LRMDA: variants seen among roughly 807,000 people sequenced by gnomAD.
LRMDA encodes the protein leucine-rich melanocyte differentiation-associated protein.
In LRMDA, 18 loss-of-function variants were observed where a neutral mutation model predicts 29.8. That is an observed-to-expected ratio of 0.60 (90% CI 0.42 to 0.90). The LOEUF (loss-of-function observed/expected upper bound fraction) is 0.90. LRMDA is among the 40% of genes least tolerant of loss of function. The pLI is 0.00. For synonymous variants in LRMDA, 125 were observed against 109.4 expected, an observed-to-expected ratio of 1.14 and a Z score of -0.89; for missense variants, 273 against 273.9, an observed-to-expected ratio of 1.00 and a Z score of 0.02.
chr10:75,790,908 G>A (rs780024823), intron 2 of LRMDA, among the ~76,000 whole-genome samples: 1 of 152,170 alleles, frequency 6.6e-6, no homozygotes, highest in Non-Finnish European at 1.5e-5. Flanking sequence ...AATGGTTCTT[G>A]CAAATATTTC....
At chr10:76,095,654 A>G (rs1044453643) in intron 5 of LRMDA, among the ~76,000 whole-genome samples, 3 of 152,220 alleles carry the variant, frequency 2.0e-5, no homozygotes, top group African/African-American at 7.2e-5. Context: ...GCTATATATA[A>G]CTTGATATTG....
chr10:75,714,513 G>T (rs145751570), intron 2 of LRMDA, among the ~76,000 whole-genome samples: 19 of 152,286 alleles, frequency 1.2e-4, no homozygotes, highest in African/African-American at 3.9e-4. Context: ...ACTAAAGCTG[G>T]CTCATACATG....
intron 2 of LRMDA, among the ~76,000 whole-genome samples, chr10:75,696,448 A>G (rs1473089622): frequency 1.3e-5 from 2 of 152,236 alleles, no homozygotes; most frequent in African/African-American, 4.8e-5. Context: ...TTGTCATTCA[A>G]AAAGGGGAGA....
intron 6 of LRMDA, chr10:76,464,914 C>T (rs1233725628): frequency 6.6e-6 from 1 of 152,132 alleles, no homozygotes; most frequent in Non-Finnish European, 1.5e-5. Flanking sequence ...ACATGATATG[C>T]TCTTTGATCT....
intron 2 of LRMDA, among the ~76,000 whole-genome samples, chr10:75,570,310 T>A (rs1834329720): frequency 6.6e-6 from 1 of 152,230 alleles, no homozygotes; most frequent in Admixed American, 6.5e-5. Context: ...ATTTACTTAC[T>A]TAAATACCTT....
chr10:76,347,953 A>G (rs1247112671), intron 6 of LRMDA, among the ~76,000 whole-genome samples: 1 of 152,166 alleles, frequency 6.6e-6, no homozygotes, highest in Non-Finnish European at 1.5e-5. Flanking sequence ...CATTCTAATA[A>G]TATATGCATT....
chr10:75,972,277 AT>A (rs200885177), intron 2 of LRMDA, among the ~76,000 whole-genome samples: 2,635 of 145,420 alleles, frequency 0.018, 53 homozygotes, highest in East Asian at 0.068. Context: ...GGAGTTTGGG[AT>A]TTTTTTTTTT....
intron 2 of LRMDA, among the ~76,000 whole-genome samples, chr10:75,847,095 G>A (rs1844651793): frequency 6.6e-6 from 1 of 152,086 alleles, no homozygotes; most frequent in Non-Finnish European, 1.5e-5. Context: ...ATACTTCCTA[G>A]TTTCGAAATG....
At chr10:75,447,661 A>T (rs1844410662) in intron 2 of LRMDA, among the ~76,000 whole-genome samples, 1 of 152,190 alleles carries the variant, frequency 6.6e-6, no homozygotes, top group Admixed American at 6.5e-5. Flanking sequence ...GTAACCCAGC[A>T]CTTTGGGAGG....
intron 6 of LRMDA, among the ~76,000 whole-genome samples, chr10:76,360,680 G>A (rs1841300861): frequency 1.3e-5 from 2 of 152,244 alleles, no homozygotes; most frequent in South Asian, 4.2e-4. Context: ...GGATATTGAG[G>A]TACAAATGTA....
At chr10:76,143,297 C>T (rs1850242032) in intron 5 of LRMDA, among the ~76,000 whole-genome samples, 1 of 152,202 alleles carries the variant, frequency 6.6e-6, no homozygotes, top group African/African-American at 2.4e-5. Flanking sequence ...AACTAGTTTA[C>T]AGTCCCACCA....
At chr10:76,394,664 G>A (rs528842490) in intron 6 of LRMDA, among the ~76,000 whole-genome samples, 1 of 152,240 alleles carries the variant, frequency 6.6e-6, no homozygotes, top group East Asian at 1.9e-4. Context: ...AGTGGGGGCT[G>A]AATGTGTGGC....
intron 2 of LRMDA, among the ~76,000 whole-genome samples, chr10:76,005,820 C>T (rs1420974876): frequency 6.6e-6 from 1 of 151,780 alleles, no homozygotes; most frequent in Admixed American, 6.6e-5. Context: ...GTCCCAGCTA[C>T]TTGGGAGACT....
intron 2 of LRMDA, among the ~76,000 whole-genome samples, chr10:75,616,549 A>G (rs776330090): frequency 6.6e-6 from 1 of 152,226 alleles, no homozygotes; most frequent in African/African-American, 2.4e-5. Flanking sequence ...ATTGGAGTCT[A>G]TGAGTTAAAT....
At chr10:75,554,513 A>G (rs909725067) in intron 2 of LRMDA, among the ~76,000 whole-genome samples, 8 of 152,210 alleles carry the variant, frequency 5.3e-5, no homozygotes, top group African/African-American at 9.6e-5. Flanking sequence ...CCTCTGTGCT[A>G]GGTACTAGGA....
chr10:76,038,786 C>T (rs1422053120), intron 3 of LRMDA, among the ~76,000 whole-genome samples: 1 of 152,204 alleles, frequency 6.6e-6, no homozygotes, highest in African/African-American at 2.4e-5. Flanking sequence ...GGCCTCTATA[C>T]ATTAGCTTTT....
At chr10:76,133,116 C>T (rs1216478912) in intron 5 of LRMDA, among the ~76,000 whole-genome samples, 3 of 151,822 alleles carry the variant, frequency 2.0e-5, no homozygotes, top group African/African-American at 2.4e-5. Context: ...CCACTGAGCC[C>T]GGCCAACAAG....
intron 2 of LRMDA, among the ~76,000 whole-genome samples, chr10:75,645,588 G>A (rs1048665815): frequency 6.6e-6 from 1 of 152,148 alleles, no homozygotes; most frequent in African/African-American, 2.4e-5. Context: ...GGGAACCCAT[G>A]GGTTGGGAGG....
At chr10:76,375,291 T>G (rs1841503010) in intron 6 of LRMDA, among the ~76,000 whole-genome samples, 1 of 145,010 alleles carries the variant, frequency 6.9e-6, no homozygotes, top group Non-Finnish European at 1.5e-5. Flanking sequence ...AAAAAGGACT[T>G]ATGTTTTGGA....
Sources: gnomAD v4.1 joint callset for allele counts (sites outside exome capture counted in the v4.1 genomes callset) on GRCh38, gnomAD v4.1.1 for gene constraint, MANE v1.5 for transcripts, NCBI Gene and HGNC (gene_info 2026-07-23, HGNC 2026-07-21) for gene names.